Variants in MTMR8 observed in about 807,000 individuals in gnomAD.
The protein encoded by MTMR8 is phosphatidylinositol-3,5-bisphosphate 3-phosphatase MTMR8.
In MTMR8, 65 loss-of-function variants were observed where a neutral mutation model predicts 39.3. The observed-to-expected ratio is 1.65, with a 90% CI of 1.35 to 2.03. MTMR8 has a LOEUF of 2.03. MTMR8 is among the 30% of genes most tolerant of loss of function. The pLI, the probability that MTMR8 is intolerant of heterozygous loss-of-function variation, is 0.00. For synonymous variants in MTMR8, 245 were observed against 185.2 expected, an observed-to-expected ratio of 1.32 and a Z score of -2.62; for missense variants, 777 against 538.9, an observed-to-expected ratio of 1.44 and a Z score of -4.37.
Position 64,337,333 on chromosome X carries a change from C to T in MTMR8, c.1036G>A (p.Ala346Thr). ...VHCSDGWDRT[A>T]QVCSVASILL... is the part of the protein sequence containing the mutation. Reference sequence around the variant, plus strand: ...ATGCTAGCCACTGAGCAGACTTGTGCTGTGCGGTCCCATCCATCAGAACAA... The same window carrying T: ...ATGCTAGCCACTGAGCAGACTTGTGTTGTGCGGTCCCATCCATCAGAACAA... Residue 346 changes from alanine to threonine, a missense_variant, in exon 9 of 14, where the codon GCA becomes ACA. By Grantham distance (58) the Ala-to-Thr change is moderately conservative. Coordinates refer to ENST00000374852, the MANE Select transcript of MTMR8 (RefSeq NM_017677.4). 6 of 1,209,495 alleles carry T rather than the reference C, an allele frequency of 5.0e-6. No homozygotes were observed. In the South Asian group the frequency reaches 8.8e-5, roughly 18 times the overall value.
intron 13 of MTMR8, among the ~76,000 whole-genome samples, 157 bp from the exon 14 acceptor site, chrX:64,269,200 C>T (rs916941746): frequency 3.6e-5 from 4 of 111,282 alleles, no homozygotes; most frequent in African/African-American, 1.3e-4. Flanking sequence ...TCCCTCATCA[C>T]ATGTCATAGT....
At chrX:64,275,378 A>G (rs1444240406) in intron 12 of MTMR8, among the ~76,000 whole-genome samples, 1 of 110,501 alleles carries the variant, frequency 9.0e-6, no homozygotes, top group East Asian at 2.8e-4. Context: ...AAATAAATGA[A>G]ATAGTGAATA....
At chrX:64,274,934 G>T (rs1406421869) in intron 12 of MTMR8, among the ~76,000 whole-genome samples, 2 of 111,318 alleles carry the variant, frequency 1.8e-5, no homozygotes, top group African/African-American at 6.5e-5. Context: ...TTGGCCAAAG[G>T]GTAGAAAGAT....
At chrX:64,384,633 T>G (rs1216992647) in intron 1 of MTMR8, among the ~76,000 whole-genome samples, 1 of 112,570 alleles carries the variant, frequency 8.9e-6, no homozygotes, top group African/African-American at 3.2e-5. Flanking sequence ...TTGAACCCTT[T>G]GGAGCTAGAA....
intron 4 of MTMR8, among the ~76,000 whole-genome samples, chrX:64,354,230 A>G (rs1204711182): frequency 9.1e-6 from 1 of 109,484 alleles, no homozygotes; most frequent in East Asian, 2.9e-4. Flanking sequence ...ATACAGTTAG[A>G]TAGAAGGAAT....
Position 64,395,401 on chromosome X carries a change from T to C in MTMR8, c.-38A>G, listed in dbSNP as rs1924795704. On this transcript the variant is annotated 5_prime_UTR_variant, in exon 1 of 14. Transcript: ENST00000374852. ...CGCCACCGGAAGATCTCAGTGCTAC[T>C]CCAGATGCCGCCGCCACCGGTCTAG... 1 of 1,196,880 alleles carries C rather than the reference T, an allele frequency of 8.4e-7. No homozygotes were observed. Among genetic ancestry groups the C allele is most frequent in the Admixed American group, 2.2e-5 (1 of 45,631 alleles).
chrX:64,368,215 C>A (rs1924030332), intron 1 of MTMR8, among the ~76,000 whole-genome samples: 1 of 111,066 alleles, frequency 9.0e-6, no homozygotes, highest in African/African-American at 3.3e-5. Context: ...CCATCCCCAT[C>A]AAGATACCAA....
chrX:64,365,769 T>G (rs2147237872), intron 1 of MTMR8, among the ~76,000 whole-genome samples: 1 of 111,542 alleles, frequency 9.0e-6, no homozygotes, highest in African/African-American at 3.3e-5. Flanking sequence ...AATATTAACC[T>G]TAAATGTAAA....
intron 1 of MTMR8, among the ~76,000 whole-genome samples, chrX:64,381,559 G>T (rs1924425296): frequency 9.2e-6 from 1 of 108,522 alleles, no homozygotes; most frequent in Admixed American, 1.0e-4. Flanking sequence ...TAGGTTGCCT[G>T]TTCTCTCTGA....
chrX:64,272,631 C>A (rs1431865898), intron 12 of MTMR8, among the ~76,000 whole-genome samples: 1 of 110,731 alleles, frequency 9.0e-6, no homozygotes, highest in Non-Finnish European at 1.9e-5. Flanking sequence ...GACTGAAAAC[C>A]CCCTAAATCT....
intron 1 of MTMR8, among the ~76,000 whole-genome samples, chrX:64,384,561 C>T (rs188225713): frequency 2.1e-3 from 237 of 112,504 alleles, no homozygotes; most frequent in Admixed American, 7.3e-3. Context: ...CCCAAGCTTC[C>T]TCTTTTGCAA....
intron 12 of MTMR8, among the ~76,000 whole-genome samples, chrX:64,289,383 A>G (rs970362933): frequency 9.0e-6 from 1 of 110,881 alleles, no homozygotes; most frequent in Non-Finnish European, 1.9e-5. Flanking sequence ...AACAACGTAA[A>G]AACAGATTTA....
chrX:64,303,224 C>T (rs755854089), intron 12 of MTMR8, among the ~76,000 whole-genome samples: 1 of 112,189 alleles, frequency 8.9e-6, no homozygotes, highest in Non-Finnish European at 1.9e-5. Flanking sequence ...TGAGCATTTG[C>T]ATTTACCAAA....
chrX:64,395,348 C>T lies in MTMR8; in HGVS notation c.16G>A (p.Val6Ile). The T allele has an allele frequency of 8.3e-7, 1 of 1,210,551 alleles. No homozygotes were observed. Residue 6 changes from valine to isoleucine, a missense_variant, in exon 1 of 14, where the codon GTA (valine) becomes ATA (isoleucine). Transcript: ENST00000374852. ...TTAACTCTTCTCCTTACCTTGGGTA[C>T]CGTAATATGATCCATGACTGCAGTT... Reference protein sequence around the residue: MDHITVPKVENVKLVD... With the variant: MDHITIPKVENVKLVD...
intron 12 of MTMR8, among the ~76,000 whole-genome samples, chrX:64,317,541 T>C (rs778251869): frequency 8.9e-6 from 1 of 112,054 alleles, no homozygotes; most frequent in African/African-American, 3.2e-5. Flanking sequence ...TTCATTTGGT[T>C]CTCCTTTATA....
At chrX:64,271,203 G>A in intron 12 of MTMR8, 130 bp from the exon 13 acceptor site, 1 of 651,784 alleles carries the variant, frequency 1.5e-6, no homozygotes, top group South Asian at 4.7e-5. Context: ...GTAATTTGAT[G>A]ACATTAAAAA....
At chrX:64,271,947 C>T (rs1220334905) in intron 12 of MTMR8, among the ~76,000 whole-genome samples, 2 of 112,010 alleles carry the variant, frequency 1.8e-5, no homozygotes, top group Admixed American at 9.5e-5. Flanking sequence ...CAGGAGCTAC[C>T]AAGGGAATGG....
At chrX:64,330,095 T>C (rs1042477362) in intron 11 of MTMR8, among the ~76,000 whole-genome samples, 2 of 112,169 alleles carry the variant, frequency 1.8e-5, no homozygotes, top group Non-Finnish European at 3.8e-5. Context: ...TTCTGCTTAT[T>C]TTAAGTAATC....
intron 1 of MTMR8, among the ~76,000 whole-genome samples, chrX:64,363,190 G>A (rs1923842784): frequency 1.8e-5 from 2 of 111,326 alleles, no homozygotes; most frequent in South Asian, 7.7e-4. Flanking sequence ...AAAAAAAAAT[G>A]TATTTCCTAT....
Sources: gnomAD v4.1 joint callset for allele counts (sites outside exome capture counted in the v4.1 genomes callset) on GRCh38, gnomAD v4.1.1 for gene constraint, MANE v1.5 for transcripts, NCBI Gene and HGNC (gene_info 2026-07-23, HGNC 2026-07-21) for gene names.